Variants in MYLK observed in about 807,000 individuals in gnomAD.
MYLK encodes the protein myosin light chain kinase, also known as myosin light chain kinase, smooth muscle.
MYLK carries 106 observed loss-of-function variants against 203.4 expected under a neutral mutation model. The observed-to-expected ratio is 0.52, with a 90% CI of 0.45 to 0.61. MYLK has a LOEUF of 0.61. MYLK is among the 20% of genes least tolerant of loss of function. MYLK has a pLI of 0.00. For synonymous variants in MYLK, 867 were observed against 959.5 expected (o/e 0.90, Z 1.78); for missense variants, 2,072 against 2,442.3 (o/e 0.85, Z 3.20).
At chr3:123,650,310 T>C (rs1229845611) in intron 24 of MYLK, among the ~76,000 whole-genome samples, 1 of 152,276 alleles carries the variant, frequency 6.6e-6, no homozygotes, top group East Asian at 1.9e-4. Context: ...CTGGGCTGCG[T>C]CCTGGCTGAC....
At chr3:123,758,952 G>T (rs1282751529) in intron 4 of MYLK, among the ~76,000 whole-genome samples, 1 of 152,122 alleles carries the variant, frequency 6.6e-6, no homozygotes, top group Non-Finnish European at 1.5e-5. Flanking sequence ...AACCTCCCAA[G>T]TAGCTGGGAC....
At chr3:123,828,807 T>G (rs1160262798) in intron 3 of MYLK, among the ~76,000 whole-genome samples, 6 of 152,156 alleles carry the variant, frequency 3.9e-5, no homozygotes, top group Non-Finnish European at 8.8e-5. Flanking sequence ...CAGACATTTC[T>G]CAAAAGAAGA....
chr3:123,867,032 C>A (rs1204116711), intron 2 of MYLK, among the ~76,000 whole-genome samples: 1 of 152,072 alleles, frequency 6.6e-6, no homozygotes, highest in Non-Finnish European at 1.5e-5. Context: ...TGCATCATCC[C>A]AGCTAGAAGC....
At chr3:123,844,497 T>A (rs1449795140) in intron 2 of MYLK, among the ~76,000 whole-genome samples, 1 of 152,196 alleles carries the variant, frequency 6.6e-6, no homozygotes, top group Non-Finnish European at 1.5e-5. Flanking sequence ...CATGAGTTCT[T>A]AGAATCCTAA....
In MYLK at chr3:123,707,890, C is replaced by T. The variant is rs144740858; in HGVS notation, c.2254G>A (p.Val752Met). Residue 752 changes from valine to methionine, a missense_variant, in exon 16 of 34, where the codon GTG becomes ATG. By Grantham distance (21) the Val-to-Met change is conservative. This residue lies in a region of MYLK where 865 missense variants were observed against 1,016.0 expected (regional missense o/e 0.85). Coordinates refer to ENST00000360304, the MANE Select transcript of MYLK (RefSeq NM_053025.4). ...CAIAGDPFPT[V>M]HWLRDGKALC... The stretch of plus-strand genomic sequence containing the variant: ...GCTTTGCCATCTCTGAGCCAGTGCA[C>T]GGTAGGAAAGGGGTCACCAGCTATG... 3.7e-5 allele frequency: 60 copies of T among 1,614,034 alleles called. No homozygotes were observed. In the Admixed American group the frequency reaches 5.5e-4, roughly 15 times the overall value.
At chr3:123,669,878 T>C (rs1277022589) in intron 20 of MYLK, among the ~76,000 whole-genome samples, 2 of 150,664 alleles carry the variant, frequency 1.3e-5, no homozygotes, top group East Asian at 1.9e-4. Context: ...CTACGAAAAA[T>C]AGAAAAATTA....
At chr3:123,695,489 A>G (rs2060881545) in intron 18 of MYLK, among the ~76,000 whole-genome samples, 1 of 152,238 alleles carries the variant, frequency 6.6e-6, no homozygotes, top group African/African-American at 2.4e-5. Flanking sequence ...ATCTGGTAGG[A>G]TCTATGTAAG....
At chr3:123,655,839 TA>T (rs2059374764) in intron 24 of MYLK, among the ~76,000 whole-genome samples, 1 of 152,364 alleles carries the variant, frequency 6.6e-6, no homozygotes, top group African/African-American at 2.4e-5. Context: ...ATGATGCATA[TA>T]AAGTGATTAA....
intron 2 of MYLK, among the ~76,000 whole-genome samples, chr3:123,837,783 A>C (rs900372954): frequency 7.9e-5 from 12 of 152,100 alleles, no homozygotes; most frequent in Admixed American, 5.9e-4. Flanking sequence ...GGATGGCTTC[A>C]ACAGGCTCAC....
intron 3 of MYLK, among the ~76,000 whole-genome samples, chr3:123,809,032 C>G (rs1184933078): frequency 1.3e-5 from 2 of 152,132 alleles, no homozygotes; most frequent in Admixed American, 1.3e-4. Flanking sequence ...TTCAAAGGTC[C>G]TGGTGTCCTG....
intron 19 of MYLK, chr3:123,692,471 G>T: frequency 8.6e-7 from 1 of 1,158,570 alleles, no homozygotes; most frequent in South Asian, 1.6e-5. Context: ...GAAGGTTCTG[G>T]GTGTGGGGAT....
intron 24 of MYLK, among the ~76,000 whole-genome samples, chr3:123,651,102 A>C (rs2059197422): frequency 6.6e-6 from 1 of 152,222 alleles, no homozygotes; most frequent in Non-Finnish European, 1.5e-5. Context: ...TGTCTTAATC[A>C]GAAAAGGTGA....
chr3:123,722,928 A>G (rs148957812), intron 12 of MYLK, among the ~76,000 whole-genome samples: 3 of 151,374 alleles, frequency 2.0e-5, no homozygotes, highest in Non-Finnish European at 4.4e-5. Context: ...TTTTTTCCAG[A>G]GTCCCTTACA....
intron 4 of MYLK, among the ~76,000 whole-genome samples, chr3:123,756,306 C>T (rs2063357330): frequency 6.6e-6 from 1 of 152,184 alleles, no homozygotes; most frequent in Non-Finnish European, 1.5e-5. Context: ...AATGGTTCAC[C>T]AAGGTTATAA....
intron 5 of MYLK, 97 bp from the exon 6 acceptor site, chr3:123,740,098 G>T: frequency 8.3e-7 from 1 of 1,200,988 alleles, no homozygotes; most frequent in Non-Finnish European, 1.2e-6. Flanking sequence ...GATAGTGATG[G>T]TGATCATTAA....
chr3:123,704,148 G>C (rs1401909702), intron 16 of MYLK, among the ~76,000 whole-genome samples: 1 of 152,260 alleles, frequency 6.6e-6, no homozygotes, highest in Non-Finnish European at 1.5e-5. Context: ...TCAGAGAAAG[G>C]TGGAGGACTT....
In MYLK at chr3:123,813,785, A is replaced by G. The variant is rs538349316; in HGVS notation, c.-4+17763T>C. Reference sequence around the variant, plus strand: ...CTTAGCCTCCCAAAGTGCTGGGATTACAGGCATGAGCCACCATGCCCGGAC... The same window carrying G: ...CTTAGCCTCCCAAAGTGCTGGGATTGCAGGCATGAGCCACCATGCCCGGAC... On this transcript the variant is annotated intron_variant, in intron 3 of 33. Transcript: ENST00000360304. Among the ~76,000 whole-genome samples the G allele has an allele frequency of 3.9e-5, 6 of 152,318 alleles. No homozygotes were observed. In the South Asian group the frequency reaches 1.2e-3, roughly 32 times the overall value.
At position 123,841,545 on chromosome 3, in the gene MYLK, A is replaced by G. The variant is rs75423708; in HGVS notation, c.-126-9875T>C. On this transcript the variant is annotated intron_variant, in intron 2 of 33. Transcript: ENST00000360304. The stretch of plus-strand genomic sequence containing the variant: ...GCCTCATTAATACCTTCAACCACTC[A>G]TTTTCTGTCAGTTCCTTTTTTTCCG... Among the ~76,000 whole-genome samples, 51 of 152,086 alleles carry G rather than the reference A, an allele frequency of 3.4e-4. 1 individual carries two copies. In the East Asian group the frequency reaches 8.1e-3, roughly 24 times the overall value.
intron 4 of MYLK, among the ~76,000 whole-genome samples, chr3:123,772,303 T>C (rs1476037075): frequency 1.3e-5 from 2 of 151,950 alleles, no homozygotes; most frequent in African/African-American, 2.4e-5. Flanking sequence ...TCCAGAAAAA[T>C]GCTAAAACAA....
Sources: gnomAD v4.1 joint callset for allele counts (sites outside exome capture counted in the v4.1 genomes callset) on GRCh38, gnomAD v4.1.1 for gene constraint, gnomAD v4.1.1 regional missense constraint, MANE v1.5 for transcripts, NCBI Gene and HGNC (gene_info 2026-07-23, HGNC 2026-07-21) for gene names.